Variants in CDK14 observed in about 807,000 individuals in gnomAD.
CDK14 encodes the protein cyclin dependent kinase 14, also known as cyclin-dependent kinase 14.
Under a neutral mutation model 60.7 loss-of-function variants are expected in CDK14, and 34 were observed. The ratio of observed to expected loss-of-function variants is 0.56; its 90% CI spans 0.43 to 0.75. The LOEUF is 0.75. Among genes scored for constraint, CDK14 ranks in the 30% least tolerant of loss-of-function variants. The pLI is 0.00. For missense variants in CDK14, 482 were observed against 564.1 expected (o/e 0.85, Z 1.47); for synonymous variants, 197 against 203.7 (o/e 0.97, Z 0.28).
chr7:90,626,325 T>C (rs971626516), intron 2 of CDK14, among the ~76,000 whole-genome samples: 3 of 152,182 alleles, frequency 2.0e-5, no homozygotes, highest in African/African-American at 4.8e-5. Context: ...ACTTGATGTT[T>C]CTCTCTTCTT....
chr7:91,025,350 C>T (rs1401721198), intron 10 of CDK14, among the ~76,000 whole-genome samples: 1 of 151,918 alleles, frequency 6.6e-6, no homozygotes, highest in African/African-American at 2.4e-5. Flanking sequence ...CAAAGATTGT[C>T]CAAAGAAGTG....
chr7:90,720,375 T>C (rs974897458), intron 2 of CDK14, among the ~76,000 whole-genome samples: 3 of 152,158 alleles, frequency 2.0e-5, no homozygotes, highest in Admixed American at 1.3e-4. Context: ...TGAAGGACAG[T>C]GAAGCTGACG....
chr7:91,175,596 A>G (rs1033630981), intron 14 of CDK14, among the ~76,000 whole-genome samples: 1 of 151,896 alleles, frequency 6.6e-6, no homozygotes, highest in African/African-American at 2.4e-5. Flanking sequence ...TAGGCTCAAA[A>G]TAAAAGGATG....
intron 6 of CDK14, among the ~76,000 whole-genome samples, chr7:90,891,555 A>G (rs1792126178): frequency 6.6e-6 from 1 of 152,244 alleles, no homozygotes; most frequent in Non-Finnish European, 1.5e-5. Context: ...CAAAGCTTGA[A>G]TATATTGACT....
chr7:90,976,444 C>T (rs1327676794), intron 9 of CDK14, among the ~76,000 whole-genome samples: 1 of 151,954 alleles, frequency 6.6e-6, no homozygotes, highest in Non-Finnish European at 1.5e-5. Context: ...CAGCTTCAAT[C>T]TCCTGGGTTC....
intron 6 of CDK14, among the ~76,000 whole-genome samples, chr7:90,882,255 T>A (rs1211657315): frequency 4.6e-4 from 19 of 41,158 alleles, no homozygotes; most frequent in East Asian, 9.3e-4. Context: ...ACCAAGCAAA[T>A]GGAAAGCAAA....
At chr7:90,649,238 TTCTTTC>T (rs1563029580) in intron 2 of CDK14, among the ~76,000 whole-genome samples, 7 of 29,156 alleles carry the variant, frequency 2.4e-4, no homozygotes, top group South Asian at 1.4e-3. Context: ...AGCCTATAGT[TTCTTTC>T]TTTCTTTCTT....
chr7:90,678,086 T>G (rs1801236672), intron 2 of CDK14, among the ~76,000 whole-genome samples: 1 of 152,150 alleles, frequency 6.6e-6, no homozygotes, highest in East Asian at 1.9e-4. Context: ...TATTAGCTGA[T>G]TGTAAGAATC....
intron 5 of CDK14, among the ~76,000 whole-genome samples, chr7:90,801,094 G>C (rs1037698877): frequency 6.6e-6 from 1 of 152,150 alleles, no homozygotes; most frequent in African/African-American, 2.4e-5. Flanking sequence ...TGAGGTTCTG[G>C]GCTGACATAA....
chr7:90,973,122 A>C (rs1794975285), intron 9 of CDK14, among the ~76,000 whole-genome samples: 1 of 152,204 alleles, frequency 6.6e-6, no homozygotes, highest in Admixed American at 6.5e-5. Context: ...TCCTGTCAGA[A>C]TCAGAAACAG....
chr7:90,807,190 C>T (rs902091062), intron 5 of CDK14, among the ~76,000 whole-genome samples: 10 of 152,150 alleles, frequency 6.6e-5, no homozygotes, highest in Admixed American at 2.0e-4. Flanking sequence ...CCCTGACCCC[C>T]GAGTAGCGTA....
intron 9 of CDK14, among the ~76,000 whole-genome samples, chr7:90,978,075 C>T (rs1795128564): frequency 2.0e-5 from 3 of 152,118 alleles, no homozygotes; most frequent in Admixed American, 2.0e-4. Context: ...TTGCACTGAC[C>T]TCTGAATAGC....
chr7:91,029,902 A>G (rs964068944), intron 10 of CDK14, among the ~76,000 whole-genome samples: 4 of 152,076 alleles, frequency 2.6e-5, no homozygotes, highest in Non-Finnish European at 4.4e-5. Flanking sequence ...AATGCCCTTT[A>G]TTTCTTTCTC....
chr7:91,148,336 G>A (rs959546696), intron 14 of CDK14, among the ~76,000 whole-genome samples: 6 of 145,768 alleles, frequency 4.1e-5, no homozygotes, highest in Admixed American at 1.4e-4. Context: ...TCATGCCACT[G>A]CATTCCAGCC....
chr7:90,868,786 T>G (rs915820251), intron 6 of CDK14, among the ~76,000 whole-genome samples: 5 of 152,154 alleles, frequency 3.3e-5, no homozygotes, highest in African/African-American at 1.2e-4. Flanking sequence ...ATTTTATCGA[T>G]GAGGAAAAAT....
chr7:90,850,430 G>A (rs1291298286), intron 5 of CDK14, among the ~76,000 whole-genome samples: 1 of 152,184 alleles, frequency 6.6e-6, no homozygotes, highest in African/African-American at 2.4e-5. Context: ...ATATAGACAG[G>A]TGGGAATAGG....
chr7:90,727,117 G>C (rs564336098), intron 3 of CDK14, among the ~76,000 whole-genome samples: 1 of 152,156 alleles, frequency 6.6e-6, no homozygotes, highest in South Asian at 2.1e-4. Flanking sequence ...CCCTTGGAGA[G>C]GTTATTGAAC....
intron 8 of CDK14, among the ~76,000 whole-genome samples, chr7:90,934,075 A>G (rs1273334700): frequency 2.0e-5 from 3 of 152,250 alleles, no homozygotes; most frequent in Non-Finnish European, 4.4e-5. Flanking sequence ...CTCTCACTCC[A>G]GTTGCAGTCT....
intron 2 of CDK14, among the ~76,000 whole-genome samples, chr7:90,676,216 G>C (rs1801195507): frequency 6.6e-6 from 1 of 152,190 alleles, no homozygotes; most frequent in Non-Finnish European, 1.5e-5. Flanking sequence ...AGTAATAGTT[G>C]CTAAGGAGAA....
Sources: gnomAD v4.1 joint callset for allele counts (sites outside exome capture counted in the v4.1 genomes callset) on GRCh38, gnomAD v4.1.1 for gene constraint, MANE v1.5 for transcripts, NCBI Gene and HGNC (gene_info 2026-07-23, HGNC 2026-07-21) for gene names.